Variants in PKHD1 observed in about 807,000 individuals in gnomAD.
PKHD1 encodes PKHD1 ciliary IPT domain containing fibrocystin/polyductin.
A neutral mutation model predicts 412.0 loss-of-function variants in PKHD1; 291 were observed. That is an observed-to-expected ratio of 0.71 (90% confidence interval 0.64 to 0.78). The LOEUF (loss-of-function observed/expected upper bound fraction) is 0.78. Among genes scored for constraint, PKHD1 ranks in the 30% least tolerant of loss-of-function variants. The pLI, the probability that PKHD1 is intolerant of heterozygous loss-of-function variation, is 0.00. For synonymous variants in PKHD1, 1,777 were observed against 1,821.5 expected (o/e 0.98, Z 0.62); for missense variants, 4,825 against 4,950.7 (o/e 0.97, Z 0.76).
intron 35 of PKHD1, among the ~76,000 whole-genome samples, chr6:52,004,568 T>TG (rs1798829904): frequency 6.6e-6 from 1 of 152,210 alleles, no homozygotes; most frequent in Non-Finnish European, 1.5e-5. Flanking sequence ...TTCTTGAAGG[T>TG]GGAGATTTTT....
intron 61 of PKHD1, among the ~76,000 whole-genome samples, chr6:51,656,672 T>TG (rs1379914901): frequency 4.0e-5 from 6 of 151,592 alleles, no homozygotes; most frequent in South Asian, 2.1e-4. Flanking sequence ...TCTTTTTTTT[T>TG]TTTTTTAAGA....
chr6:51,833,002 T>C (rs1336568783), intron 51 of PKHD1, among the ~76,000 whole-genome samples: 1 of 152,136 alleles, frequency 6.6e-6, no homozygotes, highest in African/African-American at 2.4e-5. Context: ...GTAATACCTT[T>C]CTAAGTTTTT....
intron 52 of PKHD1, among the ~76,000 whole-genome samples, chr6:51,815,256 T>C (rs1765265488): frequency 6.6e-6 from 1 of 152,166 alleles, no homozygotes. Context: ...AAAAGTCAAA[T>C]AAGACATAAC....
chr6:51,885,783 T>A, intron 45 of PKHD1, 84 bp downstream of exon 45: 1 of 862,414 alleles, frequency 1.2e-6, no homozygotes, highest in Admixed American at 2.0e-5. Flanking sequence ...TAAGTAGATA[T>A]GCATAATGAA....
At chr6:51,893,038 T>G (rs1412220529) in intron 43 of PKHD1, among the ~76,000 whole-genome samples, 1 of 152,080 alleles carries the variant, frequency 6.6e-6, no homozygotes, top group Non-Finnish European at 1.5e-5. Flanking sequence ...CCACGAGCCT[T>G]GGGAAAGGTC....
At chr6:51,982,199 C>A (rs200326068) in intron 35 of PKHD1, among the ~76,000 whole-genome samples, 9 of 21,160 alleles carry the variant, frequency 4.3e-4, no homozygotes, top group South Asian at 1.6e-3. Context: ...GGGGTCAGCC[C>A]CCCGCCCGGC....
At chr6:52,086,500 C>G (rs371117058) in intron 1 of PKHD1, among the ~76,000 whole-genome samples, 1 of 151,958 alleles carries the variant, frequency 6.6e-6, no homozygotes, top group African/African-American at 2.4e-5. Flanking sequence ...TACTCCCCCC[C>G]TCAAAAAAAA....
At chr6:52,009,299 T>A (rs9370090) in intron 35 of PKHD1, among the ~76,000 whole-genome samples, 63,074 of 151,816 alleles carry the variant, frequency 0.42, 15,139 homozygotes, top group Admixed American at 0.56. Context: ...CACGGAACAG[T>A]TTAGTAAGGA....
intron 21 of PKHD1, among the ~76,000 whole-genome samples, chr6:52,051,526 C>A (rs1021064178): frequency 6.6e-6 from 1 of 152,142 alleles, no homozygotes; most frequent in African/African-American, 2.4e-5. Flanking sequence ...ATGTATGCTA[C>A]CCCCATCTTC....
At chr6:51,842,752 A>C (rs1770453019) in intron 50 of PKHD1, among the ~76,000 whole-genome samples, 1 of 152,184 alleles carries the variant, frequency 6.6e-6, no homozygotes, top group Non-Finnish European at 1.5e-5. Context: ...GTGAGTGGAA[A>C]GTCAGTGATT....
At chr6:51,984,367 C>A (rs1005698861) in intron 35 of PKHD1, among the ~76,000 whole-genome samples, 1 of 152,176 alleles carries the variant, frequency 6.6e-6, no homozygotes, top group Non-Finnish European at 1.5e-5. Context: ...TACTCCTCAA[C>A]AAAGAAGGCT....
intron 60 of PKHD1, among the ~76,000 whole-genome samples, chr6:51,700,724 G>A (rs975737162): frequency 2.0e-5 from 3 of 151,966 alleles, no homozygotes; most frequent in African/African-American, 7.2e-5. Context: ...TGCTTTCTTT[G>A]GTAAAATGCA....
Position 52,058,934 on chromosome 6 carries a change from G to A in PKHD1, c.1234-333C>T, listed in dbSNP as rs149506434. Among the ~76,000 whole-genome samples the A allele has an allele frequency of 2.8e-3, 428 of 152,266 alleles. 3 individuals carry two copies. The highest frequency in any genetic ancestry group is 1.0e-2 in the African/African-American group (415 of 41,562). ...TAGTATTAAGCCCTTCAGAGACCTC[G>A]AATGACTTGATCACATCAAAATCTA... On this transcript the variant is annotated intron_variant, in intron 15 of 66. Transcript: ENST00000371117.
intron 43 of PKHD1, among the ~76,000 whole-genome samples, chr6:51,887,601 G>C (rs915001004): frequency 9.2e-5 from 14 of 152,106 alleles, no homozygotes; most frequent in African/African-American, 3.4e-4. Context: ...AGATCTGGTA[G>C]TTTAAAAGTG....
At chr6:51,673,691 G>A (rs1455867499) in intron 60 of PKHD1, among the ~76,000 whole-genome samples, 1 of 152,128 alleles carries the variant, frequency 6.6e-6, no homozygotes, top group East Asian at 1.9e-4. Context: ...TCAGCCAGAT[G>A]GTGTCAGCCT....
chr6:51,651,986 A>G (rs1277203379), intron 61 of PKHD1, among the ~76,000 whole-genome samples: 1 of 152,142 alleles, frequency 6.6e-6, no homozygotes, highest in Non-Finnish European at 1.5e-5. Flanking sequence ...ATTAAAGCAA[A>G]GGGATTAGCA....
chr6:52,070,608 A>G (rs1393480427), intron 9 of PKHD1, among the ~76,000 whole-genome samples, 163 bp from the exon 10 acceptor site: 1 of 151,922 alleles, frequency 6.6e-6, no homozygotes, highest in Non-Finnish European at 1.5e-5. Flanking sequence ...ACAAACAAAA[A>G]AACAAAAACA....
chr6:51,742,042 T>C (rs1784618298), intron 60 of PKHD1, among the ~76,000 whole-genome samples: 1 of 152,202 alleles, frequency 6.6e-6, no homozygotes, highest in Non-Finnish European at 1.5e-5. Flanking sequence ...TTAAAACCAA[T>C]AGAAAACTTA....
chr6:52,056,046 G>C (rs1188570811), intron 18 of PKHD1, among the ~76,000 whole-genome samples: 3 of 152,150 alleles, frequency 2.0e-5, no homozygotes, highest in Non-Finnish European at 2.9e-5. Flanking sequence ...GGGCTGTCCT[G>C]TTCACCATGA....
Sources: allele counts gnomAD v4.1 joint callset (sites outside exome capture counted in the v4.1 genomes callset), GRCh38; gene constraint gnomAD v4.1.1; transcripts MANE v1.5; gene names NCBI Gene and HGNC (gene_info 2026-07-23, HGNC 2026-07-21).